ARHGAP10: variants seen among roughly 807,000 people sequenced by gnomAD.
ARHGAP10 encodes Rho GTPase activating protein 10.
A neutral mutation model predicts 108.6 loss-of-function variants in ARHGAP10; 87 were observed. The ratio of observed to expected loss-of-function variants is 0.80; its 90% CI spans 0.67 to 0.96. The LOEUF is 0.96. Among genes scored for constraint, ARHGAP10 ranks in the 40% least tolerant of loss-of-function variants. The probability of loss-of-function intolerance (pLI) is 0.00; values close to 1 mark genes in which losing one functional copy is unlikely to be tolerated. For missense variants in ARHGAP10, 939 were observed against 954.5 expected (o/e 0.98, Z 0.21); for synonymous variants, 347 against 341.1 (o/e 1.02, Z -0.19).
At chr4:148,028,287 G>C (rs910926584) in intron 19 of ARHGAP10, among the ~76,000 whole-genome samples, 3 of 152,196 alleles carry the variant, frequency 2.0e-5, no homozygotes, top group Non-Finnish European at 2.9e-5. Flanking sequence ...AGTGTTGACA[G>C]TTGTGAATGA....
At chr4:147,950,849 T>C (rs899631268) in intron 15 of ARHGAP10, among the ~76,000 whole-genome samples, 4 of 152,212 alleles carry the variant, frequency 2.6e-5, no homozygotes, top group Admixed American at 6.5e-5. Flanking sequence ...AGTGGTTTTG[T>C]GATGTTTCTA....
At chr4:148,060,971 G>A (rs966610351) in intron 20 of ARHGAP10, among the ~76,000 whole-genome samples, 3 of 152,098 alleles carry the variant, frequency 2.0e-5, no homozygotes, top group African/African-American at 4.8e-5. Flanking sequence ...GCCAGGGTGC[G>A]GGACAGGCAG....
chr4:147,732,237 G>A lies in ARHGAP10; in HGVS notation c.-65G>A. 6.9e-7 allele frequency: 1 copy of A among 1,439,070 alleles called. No homozygotes were observed. The highest frequency in any genetic ancestry group is 9.1e-7 in the Non-Finnish European group (1 of 1,102,668). 89.1% of individuals were successfully genotyped at this position (1,439,070 alleles called of 1,614,324 possible). A position where few individuals can be genotyped will look rare whatever the true frequency, so the allele number is the denominator to read the frequency against. Reference sequence around the variant, plus strand: ...AACGCGCGGCGCCGCACCTGGCAGCGGCCTCGGAGCTCGGCTCGGGCAGGA... The same window carrying A: ...AACGCGCGGCGCCGCACCTGGCAGCAGCCTCGGAGCTCGGCTCGGGCAGGA... On this transcript the variant is annotated 5_prime_UTR_variant, in exon 1 of 23. Coordinates refer to ENST00000336498, the MANE Select transcript of ARHGAP10 (RefSeq NM_024605.4).
In ARHGAP10 at chr4:148,072,185, T is replaced by G; in HGVS notation, c.*104T>G. 1.3e-6 allele frequency: 1 copy of G among 781,450 alleles called. No homozygotes were observed. Among genetic ancestry groups the G allele is most frequent in the Non-Finnish European group, 1.9e-6 (1 of 538,796 alleles). 48.4% of individuals were successfully genotyped at this position (781,450 alleles called of 1,614,324 possible). On this transcript the variant is annotated 3_prime_UTR_variant, in exon 23 of 23. Transcript: ENST00000336498. ...GCTCTGGGCTGCACCCACAGGTACCTCCACACTTGGGAGTTACCATCATCA... is the reference window on the plus strand; with the variant it reads ...GCTCTGGGCTGCACCCACAGGTACCGCCACACTTGGGAGTTACCATCATCA...
At chr4:148,042,757 T>C (rs890529824) in intron 19 of ARHGAP10, among the ~76,000 whole-genome samples, 8 of 152,224 alleles carry the variant, frequency 5.3e-5, no homozygotes, top group Admixed American at 2.6e-4. Flanking sequence ...ATTCAGCATC[T>C]GTGGTATGCC....
At chr4:147,828,440 G>C (rs1321632918) in intron 3 of ARHGAP10, among the ~76,000 whole-genome samples, 1 of 152,150 alleles carries the variant, frequency 6.6e-6, no homozygotes, top group Non-Finnish European at 1.5e-5. Flanking sequence ...TCAACAAATA[G>C]TGTGTGCCTG....
intron 3 of ARHGAP10, among the ~76,000 whole-genome samples, chr4:147,828,131 G>A (rs1197850802): frequency 1.3e-5 from 2 of 152,066 alleles, no homozygotes; most frequent in Non-Finnish European, 1.5e-5. Context: ...AATTAGTTTA[G>A]TATTTTCTGA....
intron 13 of ARHGAP10, among the ~76,000 whole-genome samples, chr4:147,926,056 TG>T (rs1290240061): frequency 1.3e-5 from 2 of 152,154 alleles, no homozygotes; most frequent in Non-Finnish European, 2.9e-5. Flanking sequence ...TCCACCATGC[TG>T]GGGTGGTGTT....
At chr4:147,926,260 TG>T (rs964484372) in intron 13 of ARHGAP10, among the ~76,000 whole-genome samples, 2 of 152,062 alleles carry the variant, frequency 1.3e-5, no homozygotes, top group Non-Finnish European at 2.9e-5. Flanking sequence ...GGGAATAGAA[TG>T]GGGGTAAGAT....
In ARHGAP10 at chr4:147,822,973, T is replaced by C; in HGVS notation, c.312+16T>C. On this transcript the variant is annotated intron_variant, in intron 3 of 22. Coordinates refer to ENST00000336498, the MANE Select transcript of ARHGAP10 (RefSeq NM_024605.4). ...AGAAATTATGGTGAGTTGAGAGGGG[T>C]GTAAATTAATAAGTCAGCTTTCAAG... The C allele has an allele frequency of 1.2e-6, 2 of 1,604,578 alleles. No individual in the cohort carries two copies. Among genetic ancestry groups the C allele is most frequent in the Non-Finnish European group, 1.7e-6 (2 of 1,172,750 alleles).
chr4:147,936,413 C>G (rs1198250128), intron 13 of ARHGAP10, among the ~76,000 whole-genome samples: 3 of 144,944 alleles, frequency 2.1e-5, no homozygotes, highest in African/African-American at 7.6e-5. Flanking sequence ...ACTGCAAGCT[C>G]CGCTTCCCGG....
chr4:147,821,852 C>G (rs1299841682), intron 1 of ARHGAP10, among the ~76,000 whole-genome samples: 1 of 152,236 alleles, frequency 6.6e-6, no homozygotes, highest in Non-Finnish European at 1.5e-5. Flanking sequence ...GGATTGTATA[C>G]TGCTCAGGCC....
chr4:148,048,788 G>A (rs936726645), intron 20 of ARHGAP10, among the ~76,000 whole-genome samples: 2 of 152,052 alleles, frequency 1.3e-5, no homozygotes, highest in African/African-American at 2.4e-5. Flanking sequence ...TTCACAACAC[G>A]TCCATGCCTG....
intron 1 of ARHGAP10, among the ~76,000 whole-genome samples, chr4:147,795,104 A>G (rs1261230581): frequency 6.6e-6 from 1 of 152,014 alleles, no homozygotes; most frequent in Non-Finnish European, 1.5e-5. Context: ...TTCCTTAGAG[A>G]CAGGGTCTCA....
At position 148,028,860 on chromosome 4, in the gene ARHGAP10, A is replaced by G. The variant is rs151158787; in HGVS notation, c.1867+5447A>G. ...ACTTCTCAACTGACTAGATGGAGAGATCAAGGCAGATAAAGTGGACATTAT... is the reference window on the plus strand; with the variant it reads ...ACTTCTCAACTGACTAGATGGAGAGGTCAAGGCAGATAAAGTGGACATTAT... On this transcript the variant is annotated intron_variant, in intron 19 of 22. Transcript: ENST00000336498. Among the ~76,000 whole-genome samples, 336 of 152,342 alleles carry G rather than the reference A, an allele frequency of 2.2e-3. 4 individuals carry two copies. The highest frequency in any genetic ancestry group is 7.0e-3 in the African/African-American group (291 of 41,568).
chr4:147,887,427 T>C (rs1735616696), intron 10 of ARHGAP10, among the ~76,000 whole-genome samples: 1 of 80,808 alleles, frequency 1.2e-5, no homozygotes, highest in Admixed American at 1.8e-4. Flanking sequence ...TGAAATGCTC[T>C]TATTTCATTC....
In ARHGAP10 at chr4:147,799,588, A is replaced by G. The variant is rs541037951; in HGVS notation, c.155-23139A>G. On this transcript the variant is annotated intron_variant, in intron 1 of 22. Transcript: ENST00000336498. ...GTTCAGTGATTTTTTTTATCCTGTC[A>G]TTTTCATCCTACTATTGAGCATATC... 1.7e-3 allele frequency among the ~76,000 whole-genome samples: 260 copies of G among 151,900 alleles called. 1 individual carries two copies. Among genetic ancestry groups the G allele is most frequent in the Middle Eastern group, 3.4e-3 (1 of 294 alleles).
chr4:147,784,713 A>G (rs141139773), intron 1 of ARHGAP10, among the ~76,000 whole-genome samples: 53,388 of 68,264 alleles, frequency 0.78, 25,050 homozygotes, highest in Non-Finnish European at 0.97. Flanking sequence ...TATATATTAT[A>G]AATATAATAT....
At chr4:148,041,145 T>G (rs1728617599) in intron 19 of ARHGAP10, among the ~76,000 whole-genome samples, 2 of 152,240 alleles carry the variant, frequency 1.3e-5, no homozygotes, top group African/African-American at 4.8e-5. Context: ...TTTTCTTTCC[T>G]CTTTTCTGTC....
Sources: gnomAD v4.1 joint callset for allele counts (sites outside exome capture counted in the v4.1 genomes callset) on GRCh38, gnomAD v4.1.1 for gene constraint, MANE v1.5 for transcripts, NCBI Gene and HGNC (gene_info 2026-07-23, HGNC 2026-07-21) for gene names.